Variants in USP37 observed in about 807,000 individuals in gnomAD.
The protein encoded by USP37 is ubiquitin specific peptidase 37, also known as ubiquitin carboxyl-terminal hydrolase 37.
A neutral mutation model predicts 124.0 loss-of-function variants in USP37; 27 were observed. That is an observed-to-expected ratio of 0.22 (90% CI 0.16 to 0.30). USP37 has a LOEUF of 0.30. Ranked by LOEUF, USP37 falls within the 10% of genes least tolerant of loss-of-function variation. The pLI, the probability that USP37 is intolerant of heterozygous loss-of-function variation, is 1.00. For missense variants in USP37, 889 were observed against 1,140.4 expected (o/e 0.78, Z 3.17); for synonymous variants, 365 against 388.0 (o/e 0.94, Z 0.70).
At chr2:218,463,171 AATAAACACACACACACACAC>A in intron 22 of USP37, 115 bp downstream of exon 22, 1 of 805,584 alleles carries the variant, frequency 1.2e-6, no homozygotes. Flanking sequence ...TCTCCCCCAC[AATAAACACACACACACACAC>A]ACACACACAC....
chr2:218,470,716 T>A (rs1690635479), intron 20 of USP37, among the ~76,000 whole-genome samples: 1 of 152,232 alleles, frequency 6.6e-6, no homozygotes, highest in Non-Finnish European at 1.5e-5. Context: ...TGAGTCTTTG[T>A]ACACACTATT....
At chr2:218,514,073 C>G (rs2106006889) in intron 10 of USP37, among the ~76,000 whole-genome samples, 1 of 152,296 alleles carries the variant, frequency 6.6e-6, no homozygotes, top group East Asian at 1.9e-4. Flanking sequence ...CCTGCCCTGG[C>G]CTCCCAAAGT....
intron 7 of USP37, 142 bp from the exon 8 acceptor site, chr2:218,546,440 G>A (rs1692326156): frequency 1.6e-6 from 1 of 638,890 alleles, no homozygotes; most frequent in East Asian, 2.9e-5. Flanking sequence ...TTATTTTCCA[G>A]ACAGTCTCGC....
chr2:218,555,659 C>T (rs1001587456), intron 4 of USP37, among the ~76,000 whole-genome samples: 5 of 152,114 alleles, frequency 3.3e-5, no homozygotes, highest in African/African-American at 1.2e-4. Context: ...CCCATCCAGC[C>T]CCACAATTTC....
chr2:218,515,841 C>T (rs1690246330), intron 10 of USP37, among the ~76,000 whole-genome samples: 1 of 152,058 alleles, frequency 6.6e-6, no homozygotes, highest in South Asian at 2.1e-4. Context: ...AACAAATTTA[C>T]AAGAAAAACC....
intron 10 of USP37, among the ~76,000 whole-genome samples, chr2:218,529,477 C>CAAAAAAAAAAAAAAAAAAA (rs71403049): frequency 8.9e-6 from 1 of 112,484 alleles, no homozygotes. Flanking sequence ...TGGTCTCAAA[C>CAAAAAAAAAAAAAAAAAAA]AAAAAAAAAA....
At chr2:218,497,297 T>A (rs964718315) in intron 13 of USP37, among the ~76,000 whole-genome samples, 3 of 151,812 alleles carry the variant, frequency 2.0e-5, no homozygotes, top group Non-Finnish European at 4.4e-5. Flanking sequence ...GGTCTCAAAC[T>A]CCTGACCTCA....
intron 20 of USP37, among the ~76,000 whole-genome samples, chr2:218,468,245 C>T (rs533786299): frequency 6.6e-6 from 1 of 151,644 alleles, no homozygotes; most frequent in African/African-American, 2.4e-5. Context: ...GCTCTTGTTG[C>T]CCAGACTGGA....
intron 9 of USP37, among the ~76,000 whole-genome samples, chr2:218,530,909 C>T (rs1284368481): frequency 1.3e-5 from 2 of 152,072 alleles, no homozygotes; most frequent in Non-Finnish European, 2.9e-5. Context: ...TAACTCTCTT[C>T]AATTCTATAA....
chr2:218,561,922 C>T (rs1693334000), intron 2 of USP37, among the ~76,000 whole-genome samples: 1 of 152,124 alleles, frequency 6.6e-6, no homozygotes, highest in Admixed American at 6.5e-5. Context: ...TATACCTTTG[C>T]ATACACAGAG....
chr2:218,469,224 A>G (rs989662453), intron 20 of USP37, among the ~76,000 whole-genome samples: 1 of 152,242 alleles, frequency 6.6e-6, no homozygotes, highest in Non-Finnish European at 1.5e-5. Flanking sequence ...CAATTATCCT[A>G]GAGATGTCAA....
chr2:218,535,120 C>CT (rs1691547501), intron 8 of USP37, among the ~76,000 whole-genome samples: 1 of 152,038 alleles, frequency 6.6e-6, no homozygotes, highest in Admixed American at 6.6e-5. Flanking sequence ...AATCCCAGCA[C>CT]TTTGGGAGGC....
rs1298019973 is a variant in USP37, at chr2:218,452,253, T to C, written c.*2677A>G. ...TTCAATAGGAAGGTTAATTAGGTAT[T>C]GTGCAAACTGCCTGCAACGGAAGCA... On this transcript the variant is annotated 3_prime_UTR_variant, in exon 26 of 26. Transcript: ENST00000258399. 1.3e-5 allele frequency: 2 copies of C among 152,314 alleles called. No homozygotes were observed. The highest frequency in any genetic ancestry group is 3.9e-4 in the East Asian group (2 of 5,188). 9.4% of individuals were successfully genotyped at this position (152,314 alleles called of 1,614,324 possible). A position where few individuals can be genotyped will look rare whatever the true frequency, so the allele number is the denominator to read the frequency against.
chr2:218,489,464 C>A (rs764845414), intron 14 of USP37, among the ~76,000 whole-genome samples: 1 of 151,844 alleles, frequency 6.6e-6, no homozygotes, highest in Non-Finnish European at 1.5e-5. Flanking sequence ...TACCCTCCTT[C>A]CTTCTCCCCC....
chr2:218,488,266 A>C, intron 15 of USP37, 38 bp downstream of exon 15: 2 of 1,352,392 alleles, frequency 1.5e-6, no homozygotes, highest in South Asian at 1.3e-5. Flanking sequence ...CAATGATATA[A>C]AATTTAGTTA....
At chr2:218,467,531 TAG>T (rs1690419470) in intron 20 of USP37, among the ~76,000 whole-genome samples, 1 of 152,146 alleles carries the variant, frequency 6.6e-6, no homozygotes, top group African/African-American at 2.4e-5. Flanking sequence ...GTATTTTTAG[TAG>T]AGACGGGGTT....
At chr2:218,495,685 G>C in intron 14 of USP37, 75 bp downstream of exon 14, 1 of 1,435,656 alleles carries the variant, frequency 7.0e-7, no homozygotes, top group Non-Finnish European at 9.4e-7. Context: ...CATGGCATTT[G>C]GTATGTCATA....
At chr2:218,529,477 CAA>C (rs71403049) in intron 10 of USP37, among the ~76,000 whole-genome samples, 46 of 112,484 alleles carry the variant, frequency 4.1e-4, no homozygotes, top group Admixed American at 5.0e-4. Flanking sequence ...TGGTCTCAAA[CAA>C]AAAAAAAAAA....
At chr2:218,566,520 A>G (rs1332285125) in intron 1 of USP37, among the ~76,000 whole-genome samples, 2 of 152,210 alleles carry the variant, frequency 1.3e-5, no homozygotes, top group Non-Finnish European at 2.9e-5. Flanking sequence ...GGGTTTTGGG[A>G]GAGTGACTAA....
Sources: allele counts gnomAD v4.1 joint callset (sites outside exome capture counted in the v4.1 genomes callset), GRCh38; gene constraint gnomAD v4.1.1; transcripts MANE v1.5; gene names NCBI Gene and HGNC (gene_info 2026-07-23, HGNC 2026-07-21).